PLA1A: variants seen among roughly 807,000 people sequenced by gnomAD.
PLA1A encodes the protein phospholipase A1 member A, also known as phosphatidylserine-specific phospholipase A1alpha.
In PLA1A, 47 loss-of-function variants were observed where a neutral mutation model predicts 49.4. The observed-to-expected ratio is 0.95, with a 90% CI of 0.75 to 1.21. The LOEUF is 1.21. Among genes scored for constraint, PLA1A ranks in the 50% most tolerant of loss-of-function variants. The pLI, the probability that PLA1A is intolerant of heterozygous loss-of-function variation, is 0.00. For synonymous variants in PLA1A, 224 were observed against 207.9 expected (o/e 1.08, Z -0.67); for missense variants, 561 against 563.9 (o/e 0.99, Z 0.05).
intron 8 of PLA1A, among the ~76,000 whole-genome samples, chr3:119,621,593 T>C (rs1246540340): frequency 6.6e-6 from 1 of 152,248 alleles, no homozygotes; most frequent in Admixed American, 6.5e-5. Flanking sequence ...TACCAAATAA[T>C]AATTTTTAAA....
At position 119,602,567 on chromosome 3, in the gene PLA1A, G is replaced by A. The variant is rs116743679; in HGVS notation, c.74-4207G>A. Among the ~76,000 whole-genome samples the A allele has an allele frequency of 9.7e-3, 1,476 of 152,072 alleles. 21 individuals carry two copies. Among genetic ancestry groups the A allele is most frequent in the African/African-American group, 0.033 (1,348 of 41,464 alleles). Reference sequence around the variant, plus strand: ...CTCTGTCTTATCAAAAGTACATCTAGCTCATTATTCTTTTCAAAGAGCCAG... The same window carrying A: ...CTCTGTCTTATCAAAAGTACATCTAACTCATTATTCTTTTCAAAGAGCCAG... On this transcript the variant is annotated intron_variant, in intron 1 of 10. Transcript: ENST00000273371.
intron 6 of PLA1A, among the ~76,000 whole-genome samples, chr3:119,617,243 C>A (rs556556184): frequency 1.7e-3 from 264 of 152,316 alleles, no homozygotes; most frequent in Non-Finnish European, 3.2e-3. Context: ...AGCCTCAGCA[C>A]ATTGGGTGTA....
At position 119,628,863 on chromosome 3, in the gene PLA1A, C is replaced by T; in HGVS notation, c.1284C>T (p.Asp428=). ...GCACTGCCCTTTTGCCTGTCAATGA[C>T]AGGTAAGCCCCAGTATTCACCTCTG... ...KFCTALLPVN[D]REKMVCLPEP... The change falls in exon 10 of 11, where the codon GAC becomes GAT. Residue 428 remains aspartate (D), a splice_region_variant and synonymous_variant. Coordinates refer to ENST00000273371, the MANE Select transcript of PLA1A (RefSeq NM_015900.4). The T allele has an allele frequency of 6.2e-7, 1 of 1,613,208 alleles. No individual in the cohort carries two copies. The highest frequency in any genetic ancestry group is 8.5e-7 in the Non-Finnish European group (1 of 1,179,218).
At chr3:119,615,178 G>T (rs1049752461) in intron 5 of PLA1A, among the ~76,000 whole-genome samples, 1 of 152,184 alleles carries the variant, frequency 6.6e-6, no homozygotes, top group Non-Finnish European at 1.5e-5. Context: ...AGAAAGTCGG[G>T]GTCTTCAGCA....
intron 4 of PLA1A, among the ~76,000 whole-genome samples, chr3:119,612,678 C>T (rs1009614137): frequency 5.9e-5 from 9 of 152,088 alleles, no homozygotes; most frequent in African/African-American, 2.2e-4. Context: ...TTAGTAGAGA[C>T]GGGGTTGCAC....
rs138343613 is a variant in PLA1A at position 119,620,093 on chromosome 3, A to C, written c.1012+441A>C. The stretch of plus-strand genomic sequence containing the variant: ...CTTCACAGATGCATTCCAGCTTCTC[A>C]CTGTTGCTCCTAACCATGGCATTTC... On this transcript the variant is annotated intron_variant, in intron 8 of 10. Coordinates refer to ENST00000273371, the MANE Select transcript of PLA1A (RefSeq NM_015900.4). 70 of 457,508 alleles carry C rather than the reference A, an allele frequency of 1.5e-4. No individual in the cohort carries two copies. The East Asian group carries it at 4.7e-3, about 31-fold the overall frequency. The allele number at this position is 457,508 out of a possible 1,614,324, so 28.3% of individuals were successfully genotyped here. A position where few individuals can be genotyped will look rare whatever the true frequency, so the allele number is the denominator to read the frequency against.
rs1404321633 is a variant in PLA1A, at chr3:119,628,817, C to T, written c.1238C>T (p.Thr413Ile). Residue 413 changes from threonine to isoleucine, a missense_variant, in exon 10 of 11, where the codon ACT (threonine) becomes ATT (isoleucine). Transcript: ENST00000273371. ...SSNRVWKKDR[T>I]TIIGKFCTAL... ...AACCGAGTTTGGAAAAAAGACCGGA[C>T]TACCATTATTGGGAAGTTCTGCACT... The T allele has an allele frequency of 6.2e-7, 1 of 1,614,038 alleles. No individual in the cohort carries two copies. Among genetic ancestry groups the T allele is most frequent in the Non-Finnish European group, 8.5e-7 (1 of 1,179,900 alleles).
intron 8 of PLA1A, among the ~76,000 whole-genome samples, chr3:119,621,250 G>T (rs545652501): frequency 9.8e-5 from 15 of 152,294 alleles, no homozygotes; most frequent in African/African-American, 3.6e-4. Flanking sequence ...TGCTGAGGGG[G>T]TTCACAGGGC....
At chr3:119,616,629 A>G (rs1299619659) in intron 6 of PLA1A, among the ~76,000 whole-genome samples, 5 of 152,240 alleles carry the variant, frequency 3.3e-5, no homozygotes, top group South Asian at 2.1e-4. Context: ...TCAGAATTTC[A>G]TATAAAAATT....
chr3:119,597,923 G>A lies in PLA1A; in HGVS notation c.10G>A (p.Gly4Ser). 1.2e-6 allele frequency: 2 copies of A among 1,609,436 alleles called. No homozygotes were observed. The highest frequency in any genetic ancestry group is 1.1e-5 in the South Asian group (1 of 89,868). The change falls in exon 1 of 11, where the codon GGT becomes AGT. Residue 4 changes from glycine to serine, a missense_variant. Transcript: ENST00000273371. ...GATTTCCAGCTCAGCGATGCCCCCA[G>A]GTCCCTGGGAGAGCTGCTTCTGGGT... MPP[G>S]PWESCFWVGG...
At chr3:119,622,193 AAGAAGAAGAAGAAGAAGG>A (rs1347439050) in intron 8 of PLA1A, among the ~76,000 whole-genome samples, 1,186 of 44,442 alleles carry the variant, frequency 0.027, 32 homozygotes, top group African/African-American at 0.067. Flanking sequence ...GAAGAAGAAG[AAGAAGAAGAAGAAGAAGG>A]AGACAGAATC....
At chr3:119,616,760 A>G (rs2082853703) in intron 6 of PLA1A, among the ~76,000 whole-genome samples, 2 of 152,264 alleles carry the variant, frequency 1.3e-5, no homozygotes, top group African/African-American at 4.8e-5. Context: ...TACCAAATTT[A>G]CTAGTTTTCC....
In PLA1A at chr3:119,609,524, C is replaced by T. The variant is rs957141836; in HGVS notation, c.510C>T (p.His170=). ...IHIIGVSLGA[H]VGGMVGQLFG... ...TCATTGGTGTTAGCCTGGGGGCCCACGTTGGGGGCATGGTGGGACAGCTCT... is the reference window on the plus strand; with the variant it reads ...TCATTGGTGTTAGCCTGGGGGCCCATGTTGGGGGCATGGTGGGACAGCTCT... Residue 170 remains histidine, a synonymous_variant, in exon 4 of 11, where the codon CAC becomes CAT. Coordinates refer to ENST00000273371, the MANE Select transcript of PLA1A (RefSeq NM_015900.4). 2.5e-6 allele frequency: 4 copies of T among 1,613,088 alleles called. No homozygotes were observed. The highest frequency in any genetic ancestry group is 3.3e-5 in the Admixed American group (2 of 59,978).
chr3:119,629,799 T>G lies in PLA1A; in HGVS notation c.*331T>G, dbSNP rs1208475109. The G allele has an allele frequency of 1.9e-5, 5 of 258,218 alleles. No homozygotes were observed. In the East Asian group the frequency reaches 3.6e-4, roughly 19 times the overall value. The allele number at this position is 258,218 out of a possible 1,614,324, so 16.0% of individuals were successfully genotyped here. ...ACAATTTTTTAAAAATAAAACTTCA[T>G]GGAGTATCTGAATCATTTAATTGTT... On this transcript the variant is annotated 3_prime_UTR_variant, in exon 11 of 11. Coordinates refer to ENST00000273371, the MANE Select transcript of PLA1A (RefSeq NM_015900.4).
intron 1 of PLA1A, among the ~76,000 whole-genome samples, chr3:119,605,923 G>A (rs1173922168): frequency 6.6e-6 from 1 of 152,192 alleles, no homozygotes. Context: ...ATCTATCTAG[G>A]CTATGGGCTG....
intron 1 of PLA1A, 41 bp downstream of exon 1, chr3:119,598,027 C>T (rs921954878): frequency 7.0e-6 from 9 of 1,283,586 alleles, no homozygotes; most frequent in East Asian, 2.4e-5. Context: ...TTATTTCAGT[C>T]AGTGATCATA....
intron 4 of PLA1A, among the ~76,000 whole-genome samples, chr3:119,612,196 T>A (rs1453448976): frequency 6.6e-6 from 1 of 152,164 alleles, no homozygotes; most frequent in Non-Finnish European, 1.5e-5. Flanking sequence ...TCTGACCTAT[T>A]TTCCTACTCC....
At chr3:119,623,660 G>C (rs566852210) in intron 8 of PLA1A, among the ~76,000 whole-genome samples, 1 of 152,066 alleles carries the variant, frequency 6.6e-6, no homozygotes, top group African/African-American at 2.4e-5. Flanking sequence ...CCCTGACGCT[G>C]GGTGTGTGGA....
chr3:119,629,514 T>G lies in PLA1A; in HGVS notation c.*46T>G. The G allele has an allele frequency of 9.5e-7, 1 of 1,048,056 alleles. No individual in the cohort carries two copies. Among genetic ancestry groups the G allele is most frequent in the East Asian group, 2.4e-5 (1 of 42,392 alleles). The allele number at this position is 1,048,056 out of a possible 1,614,324, so 64.9% of individuals were successfully genotyped here. On this transcript the variant is annotated 3_prime_UTR_variant, in exon 11 of 11. Coordinates refer to ENST00000273371, the MANE Select transcript of PLA1A (RefSeq NM_015900.4). ...TCTCCCTGCATTTTTTTTTTTTTTT[T>G]GAGAGAGAGGTGTGATGAGGGATGT...
Sources: allele counts gnomAD v4.1 joint callset (sites outside exome capture counted in the v4.1 genomes callset), GRCh38; gene constraint gnomAD v4.1.1; transcripts MANE v1.5; gene names NCBI Gene and HGNC (gene_info 2026-07-23, HGNC 2026-07-21).